AIG1: variants seen among roughly 807,000 people sequenced by gnomAD.
AIG1 encodes androgen induced 1.
Under a neutral mutation model 31.4 loss-of-function variants are expected in AIG1, and 23 were observed. The observed-to-expected ratio is 0.73, with a 90% CI of 0.53 to 1.04. The LOEUF is 1.04. AIG1 is among the 50% of genes least tolerant of loss of function. AIG1 has a pLI of 0.00. For missense variants in AIG1, 274 were observed against 295.0 expected, an observed-to-expected ratio of 0.93 and a Z score of 0.52; for synonymous variants, 100 against 110.5, an observed-to-expected ratio of 0.90 and a Z score of 0.60.
At chr6:143,313,307 T>G (rs1775460155) in intron 4 of AIG1, among the ~76,000 whole-genome samples, 1 of 152,112 alleles carries the variant, frequency 6.6e-6, no homozygotes, top group South Asian at 2.1e-4. Flanking sequence ...AACCTATGTG[T>G]CCAAAAACAG....
intron 3 of AIG1, among the ~76,000 whole-genome samples, chr6:143,195,717 G>C (rs1044497021): frequency 2.0e-5 from 3 of 151,966 alleles, no homozygotes; most frequent in Non-Finnish European, 4.4e-5. Flanking sequence ...GTGCAGGGTA[G>C]CTGAGGAGAG....
At chr6:143,134,642 A>T (rs976852476) in intron 1 of AIG1, among the ~76,000 whole-genome samples, 6 of 151,998 alleles carry the variant, frequency 3.9e-5, no homozygotes, top group Non-Finnish European at 5.9e-5. Context: ...AATAGAGTAT[A>T]TGCATCTTTA....
intron 3 of AIG1, chr6:143,190,718 C>T: frequency 1.7e-6 from 1 of 592,164 alleles, no homozygotes; most frequent in Non-Finnish European, 2.1e-6. Flanking sequence ...CTTTGCTTTC[C>T]TATCTTATCA....
chr6:143,228,599 T>A (rs1793199907), intron 3 of AIG1, among the ~76,000 whole-genome samples: 1 of 152,150 alleles, frequency 6.6e-6, no homozygotes, highest in Admixed American at 6.5e-5. Context: ...GAAAGAGGAT[T>A]TGAGTCGCCA....
chr6:143,305,504 G>C (rs1205961185), intron 4 of AIG1, among the ~76,000 whole-genome samples: 1 of 152,086 alleles, frequency 6.6e-6, no homozygotes, highest in Non-Finnish European at 1.5e-5. Context: ...TTCAGGAGCA[G>C]GTTGTTCAGT....
intron 1 of AIG1, among the ~76,000 whole-genome samples, chr6:143,132,461 G>A (rs924543505): frequency 6.6e-6 from 1 of 151,370 alleles, no homozygotes; most frequent in Non-Finnish European, 1.5e-5. Flanking sequence ...TTTTTGTTCT[G>A]TATGGTGATA....
At chr6:143,187,315 C>G (rs1307681112) in intron 3 of AIG1, 2 of 1,279,664 alleles carry the variant, frequency 1.6e-6, no homozygotes, top group African/African-American at 3.0e-5. Context: ...ACACATATGG[C>G]AAATATGAAC....
chr6:143,135,156 A>C (rs939185501), intron 1 of AIG1, among the ~76,000 whole-genome samples: 4 of 152,074 alleles, frequency 2.6e-5, no homozygotes, highest in Non-Finnish European at 5.9e-5. Context: ...ACTGGTGAGA[A>C]ATGCTACCTC....
At chr6:143,144,382 A>T (rs1784543356) in intron 2 of AIG1, among the ~76,000 whole-genome samples, 1 of 152,164 alleles carries the variant, frequency 6.6e-6, no homozygotes. Context: ...CAGCCTAGGG[A>T]GGGTGGCTTT....
chr6:143,135,383 A>G (rs541910880), intron 1 of AIG1, among the ~76,000 whole-genome samples: 2 of 152,256 alleles, frequency 1.3e-5, no homozygotes, highest in Admixed American at 6.5e-5. Context: ...GAAAAATAGA[A>G]AATAGAACAT....
At chr6:143,339,574 A>G (rs935069396) in intron 5 of AIG1, 65 bp from the exon 6 acceptor site, 34 of 1,555,518 alleles carry the variant, frequency 2.2e-5, no homozygotes, top group Non-Finnish European at 2.8e-5. Flanking sequence ...TTAGCAAGCC[A>G]GATTAAACAA....
chr6:143,310,904 T>C (rs184851858), intron 4 of AIG1, among the ~76,000 whole-genome samples: 17 of 151,838 alleles, frequency 1.1e-4, no homozygotes, highest in Admixed American at 7.9e-4. Flanking sequence ...AAGAGAAAAA[T>C]AATATCTTAA....
chr6:143,145,512 T>C (rs1724061559), intron 2 of AIG1, among the ~76,000 whole-genome samples: 1 of 150,916 alleles, frequency 6.6e-6, no homozygotes, highest in Non-Finnish European at 1.5e-5. Context: ...CCAGTGTATG[T>C]CTCTTCATCA....
At chr6:143,276,770 A>T (rs1303721503) in intron 3 of AIG1, among the ~76,000 whole-genome samples, 1 of 152,190 alleles carries the variant, frequency 6.6e-6, no homozygotes, top group African/African-American at 2.4e-5. Context: ...CAATTAGCGA[A>T]ATTAATAATG....
chr6:143,131,166 G>C (rs1226473552), intron 1 of AIG1, among the ~76,000 whole-genome samples: 1 of 152,158 alleles, frequency 6.6e-6, no homozygotes, highest in Non-Finnish European at 1.5e-5. Flanking sequence ...TGTAATTACA[G>C]ACATTGTTGG....
chr6:143,113,918 G>A (rs1305801389), intron 1 of AIG1, among the ~76,000 whole-genome samples: 1 of 151,904 alleles, frequency 6.6e-6, no homozygotes, highest in Non-Finnish European at 1.5e-5. Flanking sequence ...GGGACTACAG[G>A]CACCCACCAC....
At chr6:143,219,495 A>G (rs1366819449) in intron 3 of AIG1, among the ~76,000 whole-genome samples, 2 of 152,092 alleles carry the variant, frequency 1.3e-5, no homozygotes, top group Admixed American at 1.3e-4. Flanking sequence ...ACAAAACAAA[A>G]CAAAACTGGA....
chr6:143,146,453 T>C (rs887633026), intron 2 of AIG1, among the ~76,000 whole-genome samples: 2 of 151,980 alleles, frequency 1.3e-5, no homozygotes, highest in Admixed American at 6.6e-5. Context: ...GGATTCACAC[T>C]TCTTCCTTCC....
chr6:143,082,072 C>A (rs188238500), intron 1 of AIG1, among the ~76,000 whole-genome samples: 1 of 152,152 alleles, frequency 6.6e-6, no homozygotes, highest in Non-Finnish European at 1.5e-5. Context: ...CGTGTTCCCT[C>A]GGAAGTTAGG....
Sources: gnomAD v4.1 joint callset for allele counts (sites outside exome capture counted in the v4.1 genomes callset) on GRCh38, gnomAD v4.1.1 for gene constraint, MANE v1.5 for transcripts, NCBI Gene and HGNC (gene_info 2026-07-23, HGNC 2026-07-21) for gene names.